CENPF: variants seen among roughly 807,000 people sequenced by gnomAD.
The protein encoded by CENPF is AH antigen.
In CENPF, 214 loss-of-function variants were observed where a neutral mutation model predicts 307.3. The ratio of observed to expected loss-of-function variants is 0.70; its 90% CI spans 0.62 to 0.78. The LOEUF is 0.78. CENPF is among the 30% of genes least tolerant of loss of function. The pLI is 0.00. For missense variants in CENPF, 3,401 were observed against 3,483.9 expected, an observed-to-expected ratio of 0.98 and a Z score of 0.60; for synonymous variants, 1,259 against 1,270.6, an observed-to-expected ratio of 0.99 and a Z score of 0.19.
chr1:214,650,145 T>C (rs115039282), intron 14 of CENPF, among the ~76,000 whole-genome samples: 3,565 of 152,114 alleles, frequency 0.023, 73 homozygotes, highest in African/African-American at 0.053. Flanking sequence ...TTAGATAGGG[T>C]GGTCAGCAGA....
At chr1:214,608,520 C>T in intron 1 of CENPF, 2 of 1,611,988 alleles carry the variant, frequency 1.2e-6, no homozygotes. Flanking sequence ...TGGCACCAGT[C>T]ACGCAGCGAA....
In CENPF at chr1:214,640,283, A is replaced by T. The variant is rs760759690; in HGVS notation, c.1945A>T (p.Thr649Ser). Reference protein sequence around the residue: ...NLQSKINHLETCLKTQQIKSH... With the variant: ...NLQSKINHLESCLKTQQIKSH... ...GCAGAGTAAAATTAATCACTTGGAA[A>T]CTTGTCTGAAGACACAGCAAATAAA... The change falls in exon 12 of 20, where the codon ACT (threonine) becomes TCT (serine). Residue 649 changes from threonine to serine, a missense_variant. Thr to Ser is a moderately conservative substitution (Grantham distance 58). Coordinates refer to ENST00000366955, the MANE Select transcript of CENPF (RefSeq NM_016343.4). 7.4e-6 allele frequency: 12 copies of T among 1,613,862 alleles called. No homozygotes were observed. Among genetic ancestry groups the T allele is most frequent in the Non-Finnish European group, 1.0e-5 (12 of 1,180,002 alleles).
intron 14 of CENPF, among the ~76,000 whole-genome samples, chr1:214,650,018 CAAAT>C (rs1658419595): frequency 6.6e-6 from 1 of 152,122 alleles, no homozygotes; most frequent in Non-Finnish European, 1.5e-5. Flanking sequence ...CAACATGTAA[CAAAT>C]AAGCGGATAA....
rs768742523 is a variant in CENPF at position 214,632,562 on chromosome 1, C to A, written c.1406C>A (p.Ala469Glu). ...KLCRAEQAFQ[A>E]SQIKENELRR... ...TGCAGAGCTGAACAGGCGTTCCAGG[C>A]GAGTCAGATCAAGGAGAATGAGCTG... is the stretch of plus-strand genomic sequence containing the variant. Residue 469 changes from alanine to glutamate, a missense_variant, in exon 10 of 20, where the codon GCG (alanine) becomes GAG (glutamate). Coordinates refer to ENST00000366955, the MANE Select transcript of CENPF (RefSeq NM_016343.4). The A allele has an allele frequency of 6.2e-7, 1 of 1,613,936 alleles. No individual in the cohort carries two copies. Among genetic ancestry groups the A allele is most frequent in the Non-Finnish European group, 8.5e-7 (1 of 1,179,954 alleles).
Position 214,646,733 on chromosome 1 carries a change from T to C in CENPF, c.7163T>C (p.Val2388Ala). ...QSLRGLELDV[V>A]TIRSEKENLT... ...CTGAGAGGTCTGGAATTAGATGTTG[T>C]TACTATAAGGTCAGAAAAAGAAAAT... The change falls in exon 13 of 20, where the codon GTT becomes GCT. Residue 2388 changes from valine to alanine, a missense_variant. Val to Ala is a moderately conservative substitution (Grantham distance 64). Transcript: ENST00000366955. 6.2e-7 allele frequency: 1 copy of C among 1,614,020 alleles called. No individual in the cohort carries two copies. Among genetic ancestry groups the C allele is most frequent in the African/African-American group, 1.3e-5 (1 of 75,036 alleles).
At chr1:214,621,019 A>C in intron 6 of CENPF, 73 bp downstream of exon 6, 1 of 1,434,856 alleles carries the variant, frequency 7.0e-7, no homozygotes, top group Admixed American at 2.1e-5. Flanking sequence ...AGATATTTTT[A>C]ATCCCATAAA....
At chr1:214,657,535 A>G in intron 18 of CENPF, 126 bp downstream of exon 18, 1 of 687,176 alleles carries the variant, frequency 1.5e-6, no homozygotes, top group Non-Finnish European at 2.4e-6. Context: ...GACGTTCATA[A>G]GCAATAGTCT....
At chr1:214,648,267 T>G (rs1164986320) in intron 13 of CENPF, among the ~76,000 whole-genome samples, 2 of 149,400 alleles carry the variant, frequency 1.3e-5, no homozygotes, top group Non-Finnish European at 2.9e-5. Context: ...TTTTTAACTG[T>G]TTTTCAGTAA....
Position 214,663,602 on chromosome 1 carries a change from T to C in CENPF, c.9153T>C (p.Ala3051=). 1 of 1,614,132 alleles carries C rather than the reference T, an allele frequency of 6.2e-7. No homozygotes were observed. Among genetic ancestry groups the C allele is most frequent in the South Asian group, 1.1e-5 (1 of 91,060 alleles). ...GGSRSQKVKV[A]QRSPVDSGTI... is the part of the protein sequence containing the mutation. ...TGTTTGTGTTGCAGGTCAAAGTTGC[T>C]CAGCGGAGCCCAGTAGATTCAGGCA... Residue 3051 remains alanine, a synonymous_variant, in exon 20 of 20, where the codon GCT becomes GCC. Coordinates refer to ENST00000366955, the MANE Select transcript of CENPF (RefSeq NM_016343.4).
chr1:214,649,888 T>G (rs1447500775), intron 14 of CENPF, among the ~76,000 whole-genome samples: 1 of 152,248 alleles, frequency 6.6e-6, no homozygotes, highest in East Asian at 1.9e-4. Context: ...ATTCATTTAT[T>G]CATTCTCTAA....
In CENPF at chr1:214,643,199, G is replaced by A. The variant is rs752495069; in HGVS notation, c.4861G>A (p.Glu1621Lys). The A allele has an allele frequency of 8.7e-6, 14 of 1,604,582 alleles. No homozygotes were observed. In the South Asian group the frequency reaches 1.6e-4, roughly 18 times the overall value. The change falls in exon 12 of 20, where the codon GAG becomes AAG. Residue 1621 changes from glutamate to lysine, a missense_variant. Transcript: ENST00000366955. ...QKLTSVTLEM[E>K]SKLAAEKKQT... is the part of the protein sequence containing the mutation. ...GCTGACAAGCGTGACTCTGGAGATGGAGTCCAAGTTGGCGGCAGAAAAGAA... is the reference window on the plus strand; with the variant it reads ...GCTGACAAGCGTGACTCTGGAGATGAAGTCCAAGTTGGCGGCAGAAAAGAA...
chr1:214,645,571 T>C lies in CENPF; in HGVS notation c.6001T>C (p.Cys2001Arg), dbSNP rs748402043. Residue 2001 changes from cysteine (C) to arginine (R), a missense_variant, in exon 13 of 20, where the codon TGC becomes CGC. Physicochemically the swap from Cys to Arg is radical, Grantham distance 180. Coordinates refer to ENST00000366955, the MANE Select transcript of CENPF (RefSeq NM_016343.4). ...GTCTCATCAAAGTGAGTGTCTCCAT[T>C]GCATTCAGGTGGCAGAGGCAGAGGT... ...LESHQSECLHCIQVAEAEVKE... is the reference protein window; with the variant it reads ...LESHQSECLHRIQVAEAEVKE... The C allele has an allele frequency of 9.9e-6, 16 of 1,614,018 alleles. No individual in the cohort carries two copies. In the African/African-American group the frequency reaches 1.7e-4, roughly 18 times the overall value.
At chr1:214,655,892 G>C (rs1412860939) in intron 17 of CENPF, among the ~76,000 whole-genome samples, 2 of 152,078 alleles carry the variant, frequency 1.3e-5, no homozygotes, top group African/African-American at 4.8e-5. Context: ...TGCCTGGCCT[G>C]AATGAAGCCA....
At chr1:214,622,013 AT>A in intron 6 of CENPF, 65 bp from the exon 7 acceptor site, 1 of 1,246,388 alleles carries the variant, frequency 8.0e-7, no homozygotes, top group Non-Finnish European at 1.1e-6. Flanking sequence ...AAAACAAATG[AT>A]AAGTTATGAA....
intron 7 of CENPF, among the ~76,000 whole-genome samples, chr1:214,622,739 A>AAAAAG (rs1223951884): frequency 4.4e-4 from 59 of 133,212 alleles, no homozygotes; most frequent in African/African-American, 1.9e-3. Context: ...ATTTAGGGGG[A>AAAAAG]AAAAAGATCG....
rs201426172 is a variant in CENPF at position 214,639,979 on chromosome 1, A to G, written c.1641A>G (p.Gln547=). The change falls in exon 12 of 20, where the codon CAA becomes CAG. Residue 547 remains glutamine, a synonymous_variant. Transcript: ENST00000366955. The part of the protein sequence containing the change: ...LRDLQEKINQ[Q]ENSLTLEKLK... The stretch of plus-strand genomic sequence containing the variant: ...ATCTTCAAGAAAAAATAAATCAGCA[A>G]GAAAACTCCTTGACTTTAGAAAAAC... 35 of 1,576,136 alleles carry G rather than the reference A, an allele frequency of 2.2e-5. No individual in the cohort carries two copies. Among genetic ancestry groups the G allele is most frequent in the Non-Finnish European group, 2.8e-5 (33 of 1,169,518 alleles).
intron 14 of CENPF, 21 bp downstream of exon 14, chr1:214,648,848 T>A: frequency 6.2e-7 from 1 of 1,610,708 alleles, no homozygotes; most frequent in Non-Finnish European, 8.5e-7. Context: ...TTGTGACAAG[T>A]GTTATTATGA....
At chr1:214,649,771 T>C in intron 14 of CENPF, among the ~76,000 whole-genome samples, 1 of 152,166 alleles carries the variant, frequency 6.6e-6, no homozygotes, top group East Asian at 1.9e-4. Flanking sequence ...AGCTTGGGAG[T>C]GTCCCAAGTG....
Position 214,605,671 on chromosome 1 carries a change from G to T in CENPF, c.-42+2350G>T, listed in dbSNP as rs1460667896. The T allele has an allele frequency of 4.4e-6, 7 of 1,578,642 alleles. No individual in the cohort carries two copies. The African/African-American group carries it at 6.7e-5, about 15-fold the overall frequency. On this transcript the variant is annotated intron_variant, in intron 1 of 19. Coordinates refer to ENST00000366955, the MANE Select transcript of CENPF (RefSeq NM_016343.4). ...TGCTGAGGTCTGGCCGGTTGGTGCC[G>T]CCGCTAGGCGAGCTGGCTGGCAGCT... is the stretch of plus-strand genomic sequence containing the variant.
Sources: gnomAD v4.1 joint callset for allele counts (sites outside exome capture counted in the v4.1 genomes callset) on GRCh38, gnomAD v4.1.1 for gene constraint, MANE v1.5 for transcripts, NCBI Gene and HGNC (gene_info 2026-07-23, HGNC 2026-07-21) for gene names.